The following MED13 variants were observed in gnomAD, a reference collection of about 807,000 sequenced individuals.
MED13 encodes mediator of RNA polymerase II transcription subunit 13.
Under a neutral mutation model 225.2 loss-of-function variants are expected in MED13, and 23 were observed. The observed-to-expected ratio is 0.10, with a 90% CI of 0.07 to 0.14. The LOEUF (loss-of-function observed/expected upper bound fraction) is 0.14. MED13 is among the 10% of genes least tolerant of loss of function. MED13 has a pLI of 1.00. For synonymous variants in MED13, 942 were observed against 889.2 expected (o/e 1.06, Z -1.06); for missense variants, 2,197 against 2,594.5 (o/e 0.85, Z 3.33).
chr17:61,954,620 TAC>T (rs2079925981), intron 26 of MED13, among the ~76,000 whole-genome samples: 1 of 151,994 alleles, frequency 6.6e-6, no homozygotes, highest in Non-Finnish European at 1.5e-5. Flanking sequence ...CTACCAAAAA[TAC>T]AAAAATTAGC....
intron 2 of MED13, among the ~76,000 whole-genome samples, chr17:62,056,856 C>T (rs2080999980): frequency 6.6e-6 from 1 of 152,150 alleles, no homozygotes; most frequent in South Asian, 2.1e-4. Context: ...TTACTATTAG[C>T]ATTACAGTTC....
rs1276581309 is a variant in MED13, at chr17:61,943,401, T to C, written c.*3067A>G. The C allele has an allele frequency of 6.6e-6, 1 of 152,606 alleles. No homozygotes were observed. Among genetic ancestry groups the C allele is most frequent in the Non-Finnish European group, 1.5e-5 (1 of 68,004 alleles). 9.5% of individuals were successfully genotyped at this position (152,606 alleles called of 1,614,324 possible). A position where few individuals can be genotyped will look rare whatever the true frequency, so the allele number is the denominator to read the frequency against. Reference sequence around the variant, plus strand: ...ATTACAGTATTAACATAGTGCTTGATTAAAGATCTGCAAATCTTTGTAGTA... The same window carrying C: ...ATTACAGTATTAACATAGTGCTTGACTAAAGATCTGCAAATCTTTGTAGTA... On this transcript the variant is annotated 3_prime_UTR_variant, in exon 30 of 30. Coordinates refer to ENST00000397786, the MANE Select transcript of MED13 (RefSeq NM_005121.3).
In MED13 at chr17:61,962,859, C is replaced by G. The variant is rs747004654; in HGVS notation, c.4957G>C (p.Asp1653His). The G allele has an allele frequency of 5.6e-6, 9 of 1,613,958 alleles. No individual in the cohort carries two copies. The African/African-American group carries it at 9.3e-5, about 17-fold the overall frequency. Residue 1653 changes from aspartate to histidine, a missense_variant, in exon 21 of 30, where the codon GAC (aspartate) becomes CAC (histidine). Asp to His is a moderately conservative substitution (Grantham distance 81). Transcript: ENST00000397786. ...ACACTAGAAGAGTTAGTGCTCTCGT[C>G]TGTATTTTCGTATGTAAAAGGATCA... ...IIDPFTYENTDESTNSSSVWT... is the reference protein window; with the variant it reads ...IIDPFTYENTHESTNSSSVWT...
chr17:62,031,938 T>C (rs2080761307), intron 5 of MED13, among the ~76,000 whole-genome samples: 1 of 152,078 alleles, frequency 6.6e-6, no homozygotes, highest in Non-Finnish European at 1.5e-5. Flanking sequence ...TAAATCTTTA[T>C]GTGCACTTCT....
At chr17:62,047,969 C>T (rs972505242) in intron 3 of MED13, among the ~76,000 whole-genome samples, 1 of 148,612 alleles carries the variant, frequency 6.7e-6, no homozygotes, top group Non-Finnish European at 1.5e-5. Flanking sequence ...CTGAGTCAAA[C>T]CACAGAATCC....
chr17:61,956,160 A>C (rs2079942130), intron 24 of MED13, among the ~76,000 whole-genome samples, 179 bp downstream of exon 24: 3 of 152,238 alleles, frequency 2.0e-5, no homozygotes, highest in Admixed American at 2.0e-4. Context: ...TATTAAAGTT[A>C]AAATAAGAGT....
In MED13 at chr17:61,968,155, T is replaced by C; in HGVS notation, c.4071A>G (p.Arg1357=). 1.2e-6 allele frequency: 2 copies of C among 1,613,608 alleles called. No homozygotes were observed. Among genetic ancestry groups the C allele is most frequent in the Non-Finnish European group, 1.7e-6 (2 of 1,179,626 alleles). Residue 1357 remains arginine, a synonymous_variant, in exon 18 of 30, where the codon AGA becomes AGG. Coordinates refer to ENST00000397786, the MANE Select transcript of MED13 (RefSeq NM_005121.3). ...GAGATCCATAGGGTTCCAGCATAAG[T>C]CTCTCCCAATAAGGAAGAGCAAATG... ...LSPFALPYWE[R]LMLEPYGSQR...
At chr17:62,049,556 TTTACTAACTCATAACA>T (rs2080936062) in intron 3 of MED13, among the ~76,000 whole-genome samples, 1 of 152,032 alleles carries the variant, frequency 6.6e-6, no homozygotes, top group Non-Finnish European at 1.5e-5. Flanking sequence ...CAGGCAGGTG[TTTACTAACTCATAACA>T]TTAATAATTA....
chr17:61,990,657 T>TC (rs1027406763), intron 11 of MED13, among the ~76,000 whole-genome samples: 6 of 129,350 alleles, frequency 4.6e-5, no homozygotes, highest in African/African-American at 1.8e-4. Flanking sequence ...ATATACACAC[T>TC]CCCCCCCAAA....
intron 6 of MED13, chr17:62,030,338 A>G (rs1057338690): frequency 1.5e-5 from 3 of 196,842 alleles, no homozygotes; most frequent in Non-Finnish European, 3.1e-5. Context: ...TGTATAAGCA[A>G]ACCAGACTAT....
intron 16 of MED13, among the ~76,000 whole-genome samples, chr17:61,981,123 A>C (rs1468360886): frequency 6.6e-6 from 1 of 152,066 alleles, no homozygotes; most frequent in East Asian, 1.9e-4. Flanking sequence ...CCCAGGTTCA[A>C]GTAATTATCC....
intron 11 of MED13, among the ~76,000 whole-genome samples, chr17:61,989,905 T>C (rs1311621528): frequency 6.6e-6 from 1 of 152,230 alleles, no homozygotes; most frequent in Middle Eastern, 3.2e-3. Flanking sequence ...CTGTGAAAAG[T>C]GTCATTGGAA....
At chr17:61,953,711 T>C (rs949217331) in intron 26 of MED13, among the ~76,000 whole-genome samples, 1 of 152,218 alleles carries the variant, frequency 6.6e-6, no homozygotes, top group Admixed American at 6.5e-5. Context: ...ATAAAATAAA[T>C]GCGTGTTGTT....
intron 11 of MED13, among the ~76,000 whole-genome samples, chr17:61,990,474 A>G (rs562441783): frequency 6.6e-6 from 1 of 152,066 alleles, no homozygotes; most frequent in South Asian, 2.1e-4. Context: ...CTGAAAAATG[A>G]TTTAGAATAA....
chr17:61,990,203 T>G (rs2080283597), intron 11 of MED13, among the ~76,000 whole-genome samples: 1 of 152,138 alleles, frequency 6.6e-6, no homozygotes, highest in Non-Finnish European at 1.5e-5. Flanking sequence ...AAGTAGATTT[T>G]AAGTATTCTC....
intron 6 of MED13, 87 bp from the exon 7 acceptor site, chr17:62,030,100 C>T (rs771897855): frequency 7.8e-6 from 9 of 1,159,888 alleles, no homozygotes; most frequent in African/African-American, 1.6e-5. Context: ...ATTTGTGATA[C>T]AAGCTGCTCC....
In MED13 at chr17:62,011,274, T is replaced by A. The variant is rs1014637979; in HGVS notation, c.1284-41A>T. 4 of 1,542,018 alleles carry A rather than the reference T, an allele frequency of 2.6e-6. No individual in the cohort carries two copies. In the African/African-American group the frequency reaches 5.5e-5, roughly 21 times the overall value. ...AAAGGTTTCATATTTACAGTATCACTATTATGGCGAAGTATAATACCAGTT... is the reference window on the plus strand; with the variant it reads ...AAAGGTTTCATATTTACAGTATCACAATTATGGCGAAGTATAATACCAGTT... On this transcript the variant is annotated intron_variant, in intron 8 of 29. Transcript: ENST00000397786.
chr17:61,968,764 T>C (rs1025306276), intron 17 of MED13, among the ~76,000 whole-genome samples: 43 of 152,216 alleles, frequency 2.8e-4, no homozygotes, highest in African/African-American at 1.0e-3. Context: ...ATTTACTTAT[T>C]TTTTTGAGAC....
At position 61,947,616 on chromosome 17, in the gene MED13, T is replaced by C. The variant is rs375998111; in HGVS notation, c.6292-599A>G. The stretch of plus-strand genomic sequence containing the variant: ...GAATAAGCATAAGCAAATAGTTTGG[T>C]TACAGCACAATAAACCTTAAACAAG... On this transcript the variant is annotated intron_variant, in intron 28 of 29. Transcript: ENST00000397786. Among the ~76,000 whole-genome samples the C allele has an allele frequency of 8.5e-5, 13 of 152,302 alleles. No homozygotes were observed. In the South Asian group the frequency reaches 2.5e-3, roughly 29 times the overall value.
Sources: gnomAD v4.1 joint callset for allele counts (sites outside exome capture counted in the v4.1 genomes callset) on GRCh38, gnomAD v4.1.1 for gene constraint, MANE v1.5 for transcripts, NCBI Gene and HGNC (gene_info 2026-07-23, HGNC 2026-07-21) for gene names.